The following KCNB2 variants were observed in gnomAD, a reference collection of about 807,000 sequenced individuals.
KCNB2 encodes the protein delayed rectifier potassium channel protein.
A neutral mutation model predicts 61.5 loss-of-function variants in KCNB2; 15 were observed. That is an observed-to-expected ratio of 0.24 (90% CI 0.16 to 0.38). The LOEUF is 0.38. Among genes scored for constraint, KCNB2 ranks in the 10% least tolerant of loss-of-function variants. The pLI is 1.00. For synonymous variants in KCNB2, 457 were observed against 446.0 expected, an observed-to-expected ratio of 1.02 and a Z score of -0.31; for missense variants, 828 against 1,125.2, an observed-to-expected ratio of 0.74 and a Z score of 3.78.
intron 2 of KCNB2, among the ~76,000 whole-genome samples, chr8:72,636,985 A>G (rs1805975532): frequency 6.6e-6 from 1 of 152,144 alleles, no homozygotes; most frequent in African/African-American, 2.4e-5. Flanking sequence ...GCTTCTGGAC[A>G]CTATTGAGTC....
intron 2 of KCNB2, among the ~76,000 whole-genome samples, chr8:72,674,873 G>A (rs1806625691): frequency 6.6e-6 from 1 of 152,082 alleles, no homozygotes; most frequent in Non-Finnish European, 1.5e-5. Context: ...CAGAGTGTTG[G>A]ATATAGTGAT....
At chr8:72,652,873 C>G (rs191271774) in intron 2 of KCNB2, among the ~76,000 whole-genome samples, 1 of 152,260 alleles carries the variant, frequency 6.6e-6, no homozygotes, top group East Asian at 1.9e-4. Flanking sequence ...GGAATTTATT[C>G]TCCAACAGTT....
chr8:72,869,018 T>A (rs1805576694), intron 2 of KCNB2, among the ~76,000 whole-genome samples: 1 of 152,266 alleles, frequency 6.6e-6, no homozygotes, highest in Admixed American at 6.5e-5. Flanking sequence ...AGGGGATAGT[T>A]GTTGGTAAGA....
At chr8:72,597,233 A>C (rs576732468) in intron 2 of KCNB2, among the ~76,000 whole-genome samples, 2 of 151,924 alleles carry the variant, frequency 1.3e-5, no homozygotes, top group Admixed American at 1.3e-4. Context: ...ACGGGGTTTC[A>C]CCGTGTTGGC....
At chr8:72,844,300 G>C (rs1278777712) in intron 2 of KCNB2, among the ~76,000 whole-genome samples, 1 of 152,214 alleles carries the variant, frequency 6.6e-6, no homozygotes, top group African/African-American at 2.4e-5. Context: ...TTTCTGCTGA[G>C]AGATCCGCTG....
chr8:72,930,509 T>C (rs923585357), intron 2 of KCNB2, among the ~76,000 whole-genome samples: 86 of 152,326 alleles, frequency 5.6e-4, no homozygotes, highest in African/African-American at 1.9e-3. Context: ...TGAGATGGTA[T>C]TTCATTGTGG....
At chr8:72,623,634 A>G (rs1270933532) in intron 2 of KCNB2, among the ~76,000 whole-genome samples, 1 of 152,248 alleles carries the variant, frequency 6.6e-6, no homozygotes, top group Non-Finnish European at 1.5e-5. Context: ...TAGAGGAACC[A>G]GGCTCCCAGC....
intron 2 of KCNB2, among the ~76,000 whole-genome samples, chr8:72,706,613 C>T (rs1028691041): frequency 6.6e-6 from 1 of 152,150 alleles, no homozygotes; most frequent in African/African-American, 2.4e-5. Flanking sequence ...CTTATTGTTT[C>T]TATCTATGCA....
chr8:72,782,339 G>T (rs930634256), intron 2 of KCNB2, among the ~76,000 whole-genome samples: 5 of 151,994 alleles, frequency 3.3e-5, no homozygotes, highest in Non-Finnish European at 7.4e-5. Flanking sequence ...AGCATATCCT[G>T]AGACGGCAGA....
intron 2 of KCNB2, among the ~76,000 whole-genome samples, chr8:72,640,242 A>G (rs1204279186): frequency 6.6e-6 from 1 of 152,118 alleles, no homozygotes. Context: ...TTCCCATAAG[A>G]CAGCAGCTTC....
At chr8:72,829,044 T>C (rs2129001696) in intron 2 of KCNB2, among the ~76,000 whole-genome samples, 1 of 152,364 alleles carries the variant, frequency 6.6e-6, no homozygotes, top group South Asian at 2.1e-4. Context: ...TTCATTGTAA[T>C]TTCATTTCCC....
chr8:72,654,173 T>C (rs1391221512), intron 2 of KCNB2, among the ~76,000 whole-genome samples: 4 of 152,204 alleles, frequency 2.6e-5, no homozygotes, highest in Admixed American at 6.5e-5. Context: ...CACTGGGCTC[T>C]GACTTCAGGT....
Position 72,793,418 on chromosome 8 carries a change from A to C in KCNB2, c.580-142517A>C, listed in dbSNP as rs1585896507. On this transcript the variant is annotated intron_variant, in intron 2 of 2. Transcript: ENST00000523207. ...GAGCCAGCCTTGTGAAAATCTAAGG[A>C]GAACACATTTGGAGCAGAAATTCCC... Among the ~76,000 whole-genome samples, 6 of 152,196 alleles carry C rather than the reference A, an allele frequency of 3.9e-5. 1 individual carries two copies. Among genetic ancestry groups the C allele is most frequent in the Admixed American group, 3.3e-4 (5 of 15,290 alleles).
chr8:72,646,379 A>G (rs985314546), intron 2 of KCNB2, among the ~76,000 whole-genome samples: 1 of 152,142 alleles, frequency 6.6e-6, no homozygotes, highest in African/African-American at 2.4e-5. Flanking sequence ...GTGGGTGAAT[A>G]TAGTGATTGT....
chr8:72,833,549 A>G (rs1460781119), intron 2 of KCNB2, among the ~76,000 whole-genome samples: 1 of 152,188 alleles, frequency 6.6e-6, no homozygotes, highest in African/African-American at 2.4e-5. Flanking sequence ...GGGGAATCAA[A>G]TGATAGGAAT....
intron 2 of KCNB2, among the ~76,000 whole-genome samples, chr8:72,907,631 C>T (rs550447459): frequency 6.6e-6 from 1 of 152,158 alleles, no homozygotes; most frequent in African/African-American, 2.4e-5. Flanking sequence ...TTCTCTAACA[C>T]AAAAATGTTT....
intron 2 of KCNB2, among the ~76,000 whole-genome samples, chr8:72,613,355 G>A (rs1350463047): frequency 2.0e-5 from 3 of 152,150 alleles, no homozygotes; most frequent in African/African-American, 7.2e-5. Flanking sequence ...TATGATGACT[G>A]AATTTATATT....
rs1440357 is a variant in KCNB2, at chr8:72,697,648, G to T, written c.579+129335G>T. Among the ~76,000 whole-genome samples the T allele has an allele frequency of 2.0e-5, 3 of 152,150 alleles. 1 individual carries two copies. Among genetic ancestry groups the T allele is most frequent in the African/African-American group, 7.2e-5 (3 of 41,426 alleles). On this transcript the variant is annotated intron_variant, in intron 2 of 2. Coordinates refer to ENST00000523207, the MANE Select transcript of KCNB2 (RefSeq NM_004770.3). ...TGGGCAACAAAGTGAGGCCTCAGTCGCTAAAAGAAAACAGAAAAAAAGAAA... is the reference window on the plus strand; with the variant it reads ...TGGGCAACAAAGTGAGGCCTCAGTCTCTAAAAGAAAACAGAAAAAAAGAAA...
chr8:72,829,582 T>C (rs1216639439), intron 2 of KCNB2, among the ~76,000 whole-genome samples: 3 of 152,224 alleles, frequency 2.0e-5, no homozygotes, highest in Admixed American at 2.0e-4. Context: ...CTGTTTTTAC[T>C]ACCTCACAGA....
Sources: gnomAD v4.1 joint callset for allele counts (sites outside exome capture counted in the v4.1 genomes callset) on GRCh38, gnomAD v4.1.1 for gene constraint, MANE v1.5 for transcripts, NCBI Gene and HGNC (gene_info 2026-07-23, HGNC 2026-07-21) for gene names.